Variants in PKD2L1 observed in about 807,000 individuals in gnomAD.
PKD2L1 encodes the protein polycystin-2-like protein 1.
In PKD2L1, 77 loss-of-function variants were observed where a neutral mutation model predicts 93.0. The observed-to-expected ratio is 0.83, with a 90% CI of 0.69 to 1.00. The LOEUF is 1.00. Among genes scored for constraint, PKD2L1 ranks in the 50% least tolerant of loss-of-function variants. PKD2L1 has a pLI of 0.00. For missense variants in PKD2L1, 977 were observed against 990.9 expected, an observed-to-expected ratio of 0.99 and a Z score of 0.19; for synonymous variants, 390 against 388.0, an observed-to-expected ratio of 1.01 and a Z score of -0.06.
intron 11 of PKD2L1, among the ~76,000 whole-genome samples, chr10:100,292,199 AAC>A (rs1848419882): frequency 6.6e-6 from 1 of 152,146 alleles, no homozygotes; most frequent in South Asian, 2.1e-4. Context: ...GCTCTTAGAA[AAC>A]AAAGACTTTG....
chr10:100,311,021 G>A lies in PKD2L1; in HGVS notation c.350-11303C>T, dbSNP rs141128687. On this transcript the variant is annotated intron_variant, in intron 2 of 15. Coordinates refer to ENST00000318222, the MANE Select transcript of PKD2L1 (RefSeq NM_016112.3). ...GCTAGGATTACAGGCATGAGCCACC[G>A]TGCCTGGCCAGAAGCTCCAATTTTT... 7.7e-3 allele frequency among the ~76,000 whole-genome samples: 1,168 copies of A among 152,268 alleles called. 9 individuals are homozygous for A. Among genetic ancestry groups the A allele is most frequent in the African/African-American group, 0.023 (945 of 41,554 alleles).
At chr10:100,310,341 A>G (rs1848906069) in intron 2 of PKD2L1, among the ~76,000 whole-genome samples, 1 of 152,156 alleles carries the variant, frequency 6.6e-6, no homozygotes, top group Non-Finnish European at 1.5e-5. Context: ...TCTGTCTCAA[A>G]CAACAAACAA....
At chr10:100,317,380 A>C (rs978790436) in intron 2 of PKD2L1, among the ~76,000 whole-genome samples, 2 of 151,788 alleles carry the variant, frequency 1.3e-5, no homozygotes, top group Admixed American at 1.3e-4. Context: ...TCTTTACAAA[A>C]AAACAAAAAT....
chr10:100,317,134 G>A (rs1849116410), intron 2 of PKD2L1, among the ~76,000 whole-genome samples: 2 of 152,118 alleles, frequency 1.3e-5, no homozygotes, highest in South Asian at 4.1e-4. Flanking sequence ...CAGGAAAAAT[G>A]TAAATATGTA....
In PKD2L1 at chr10:100,292,602, G is replaced by A. The variant is rs538355803; in HGVS notation, c.1880+346C>T. On this transcript the variant is annotated intron_variant, in intron 11 of 15. Transcript: ENST00000318222. ...AATATGTTTGACTGGGAATCAGGGAGTGAATGGCTAAAGGAATAGATGAGT... is the reference window on the plus strand; with the variant it reads ...AATATGTTTGACTGGGAATCAGGGAATGAATGGCTAAAGGAATAGATGAGT... Among the ~76,000 whole-genome samples, 8 of 152,326 alleles carry A rather than the reference G, an allele frequency of 5.3e-5. No individual in the cohort carries two copies. In the East Asian group the frequency reaches 1.5e-3, roughly 29 times the overall value.
intron 2 of PKD2L1, among the ~76,000 whole-genome samples, chr10:100,322,419 C>T (rs988261913): frequency 6.6e-6 from 1 of 151,156 alleles, no homozygotes; most frequent in Non-Finnish European, 1.5e-5. Flanking sequence ...CCCAGGTACA[C>T]GGGAGGCTGA....
Position 100,295,113 on chromosome 10 carries a change from T to A in PKD2L1, c.1367A>T (p.Tyr456Phe). 1 of 1,613,472 alleles carries A rather than the reference T, an allele frequency of 6.2e-7. No homozygotes were observed. The highest frequency in any genetic ancestry group is 8.5e-7 in the Non-Finnish European group (1 of 1,179,546). Residue 456 changes from tyrosine to phenylalanine, a missense_variant, in exon 8 of 16, where the codon TAC becomes TTC. Tyr to Phe is a conservative substitution (Grantham distance 22). Transcript: ENST00000318222. ...LFFAWIKIFKYISFNKTMTQL... is the reference protein window; with the variant it reads ...LFFAWIKIFKFISFNKTMTQL... ...GGTCATGGTTTTGTTGAAGCTGATG[T>A]ACTTGAATATCTGGAAGGACCATGT...
chr10:100,323,960 T>C (rs1849320974), intron 2 of PKD2L1, among the ~76,000 whole-genome samples: 1 of 152,154 alleles, frequency 6.6e-6, no homozygotes. Context: ...CCTGAGTAGC[T>C]GGGATTACAG....
In PKD2L1 at chr10:100,293,558, T is replaced by C. The variant is rs139032862; in HGVS notation, c.1660-179A>G. Among the ~76,000 whole-genome samples, 1,501 of 152,274 alleles carry C rather than the reference T, an allele frequency of 9.9e-3. 26 individuals carry two copies. The highest frequency in any genetic ancestry group is 0.035 in the African/African-American group (1,445 of 41,562). Reference sequence around the variant, plus strand: ...CCCAGAGCCCAGCCTTTCAGCACAGTTCTGTTAGAGATGGATCATGCTTCT... The same window carrying C: ...CCCAGAGCCCAGCCTTTCAGCACAGCTCTGTTAGAGATGGATCATGCTTCT... On this transcript the variant is annotated intron_variant, in intron 9 of 15. Transcript: ENST00000318222.
chr10:100,321,906 A>G (rs1229332293), intron 2 of PKD2L1, among the ~76,000 whole-genome samples: 9 of 139,902 alleles, frequency 6.4e-5, no homozygotes, highest in African/African-American at 2.0e-4. Context: ...GAAGGAAGCA[A>G]GGAAGGAAGG....
At chr10:100,321,850 AGAAG>A (rs201387201) in intron 2 of PKD2L1, among the ~76,000 whole-genome samples, 6,481 of 7,528 alleles carry the variant, frequency 0.86, 3,140 homozygotes, top group Non-Finnish European at 0.98. Flanking sequence ...CAAGCAAGCA[AGAAG>A]GCAGGCAGGC....
Position 100,296,249 on chromosome 10 carries a change from T to G in PKD2L1, c.1229A>C (p.Glu410Ala), listed in dbSNP as rs754514100. The G allele has an allele frequency of 2.2e-5, 35 of 1,609,004 alleles. No homozygotes were observed. The highest frequency in any genetic ancestry group is 1.7e-4 in the Middle Eastern group (1 of 6,060). ...AVGFHIFRTL[E>A]VNRLMGKLLQ... ...GAGCTTCCCCATGAGCCGATTCACC[T>G]CGAGGGTTCGGAATATGTGGAAGCC... Residue 410 changes from glutamate (E) to alanine (A), a missense_variant, in exon 7 of 16, where the codon GAG (glutamate) becomes GCG (alanine). Coordinates refer to ENST00000318222, the MANE Select transcript of PKD2L1 (RefSeq NM_016112.3).
intron 2 of PKD2L1, among the ~76,000 whole-genome samples, chr10:100,305,454 ATGT>A (rs1848777977): frequency 1.3e-5 from 2 of 152,170 alleles, no homozygotes; most frequent in Admixed American, 1.3e-4. Flanking sequence ...TCATTAATCC[ATGT>A]TTGACCCATC....
chr10:100,311,352 C>G (rs1397195892), intron 2 of PKD2L1, among the ~76,000 whole-genome samples: 1 of 152,164 alleles, frequency 6.6e-6, no homozygotes, highest in Non-Finnish European at 1.5e-5. Context: ...CTATATTTTA[C>G]TGTATCTGCA....
Position 100,290,156 on chromosome 10 carries a change from G to C in PKD2L1, c.2127-18C>G. 6.2e-7 allele frequency: 1 copy of C among 1,613,822 alleles called. No homozygotes were observed. Among genetic ancestry groups the C allele is most frequent in the South Asian group, 1.1e-5 (1 of 91,082 alleles). ...TTGTGAGCCTGTGTGGGATTTGAGA[G>C]AGACGAATGGAGCAGAAATCTGTGT... On this transcript the variant is annotated intron_variant, in intron 13 of 15. Transcript: ENST00000318222.
intron 2 of PKD2L1, among the ~76,000 whole-genome samples, chr10:100,313,270 A>G (rs1461201480): frequency 6.6e-6 from 1 of 152,218 alleles, no homozygotes; most frequent in Non-Finnish European, 1.5e-5. Context: ...AACCAAAAAA[A>G]TGTATTTAGT....
At chr10:100,328,232 A>G (rs1849421495) in intron 2 of PKD2L1, among the ~76,000 whole-genome samples, 1 of 152,146 alleles carries the variant, frequency 6.6e-6, no homozygotes, top group Admixed American at 6.5e-5. Context: ...GTCCAATTTT[A>G]TTATTATTTA....
chr10:100,322,695 A>G (rs1342679104), intron 2 of PKD2L1, among the ~76,000 whole-genome samples: 2 of 152,270 alleles, frequency 1.3e-5, no homozygotes, highest in Non-Finnish European at 2.9e-5. Context: ...GTAGTTAGCT[A>G]GTAGAATTTC....
intron 2 of PKD2L1, 130 bp downstream of exon 2, chr10:100,329,081 T>A: frequency 1.3e-6 from 1 of 750,076 alleles, no homozygotes; most frequent in South Asian, 1.9e-5. Context: ...TATCTAAAGT[T>A]CCCGGATATA....
Sources: gnomAD v4.1 joint callset for allele counts (sites outside exome capture counted in the v4.1 genomes callset) on GRCh38, gnomAD v4.1.1 for gene constraint, MANE v1.5 for transcripts, NCBI Gene and HGNC (gene_info 2026-07-23, HGNC 2026-07-21) for gene names.